The following GPC5 variants were observed in gnomAD, a reference collection of about 807,000 sequenced individuals.
GPC5 encodes glypican 5, also known as glypican-5.
In GPC5, 47 loss-of-function variants were observed where a neutral mutation model predicts 53.9. That is an observed-to-expected ratio of 0.87 (90% CI 0.69 to 1.11). GPC5 has a LOEUF of 1.11. Among genes scored for constraint, GPC5 ranks in the 50% most tolerant of loss-of-function variants. GPC5 has a pLI of 0.00. For synonymous variants in GPC5, 286 were observed against 263.3 expected, an observed-to-expected ratio of 1.09 and a Z score of -0.84; for missense variants, 748 against 713.1, an observed-to-expected ratio of 1.05 and a Z score of -0.56.
At position 92,379,584 on chromosome 13, in the gene GPC5, C is replaced by A. The variant is rs140815618; in HGVS notation, c.1561+234595C>A. 1.9e-3 allele frequency among the ~76,000 whole-genome samples: 286 copies of A among 151,056 alleles called. 2 individuals carry two copies. The highest frequency in any genetic ancestry group is 6.5e-3 in the African/African-American group (263 of 40,494). On this transcript the variant is annotated intron_variant, in intron 7 of 7. Coordinates refer to ENST00000377067, the MANE Select transcript of GPC5 (RefSeq NM_004466.6). ...TTGCATATTAGTTCCTCTCTGTGCC[C>A]CCTGCATATTAGTTCCTCTCTCTGT...
intron 7 of GPC5, among the ~76,000 whole-genome samples, chr13:92,371,005 T>C (rs2043646122): frequency 6.6e-6 from 1 of 151,822 alleles, no homozygotes; most frequent in Non-Finnish European, 1.5e-5. Flanking sequence ...AAAAATTAGC[T>C]GGGTGTGGTG....
intron 2 of GPC5, among the ~76,000 whole-genome samples, chr13:91,687,937 T>G (rs954519508): frequency 6.6e-6 from 1 of 152,110 alleles, no homozygotes; most frequent in African/African-American, 2.4e-5. Context: ...GTAGATGTGA[T>G]TAATTGTTCA....
chr13:91,857,218 T>C (rs1310284120), intron 5 of GPC5, among the ~76,000 whole-genome samples: 2 of 151,322 alleles, frequency 1.3e-5, no homozygotes, highest in African/African-American at 4.8e-5. Flanking sequence ...TATCTTTCTA[T>C]TATAAGTCCT....
chr13:91,895,300 G>A (rs1184048981), intron 5 of GPC5, among the ~76,000 whole-genome samples: 2 of 152,120 alleles, frequency 1.3e-5, no homozygotes, highest in African/African-American at 4.8e-5. Context: ...TTGGGGATAG[G>A]GCATTGCCTT....
intron 7 of GPC5, among the ~76,000 whole-genome samples, chr13:92,148,627 A>G (rs1381844100): frequency 3.9e-5 from 6 of 152,120 alleles, no homozygotes; most frequent in African/African-American, 7.2e-5. Context: ...GTTCATTTAC[A>G]TAGATATAGA....
intron 2 of GPC5, among the ~76,000 whole-genome samples, chr13:91,532,769 C>T (rs559661224): frequency 2.0e-5 from 3 of 151,830 alleles, no homozygotes; most frequent in South Asian, 2.1e-4. Flanking sequence ...GGGAGGCTGA[C>T]GTGGGAGGAT....
At chr13:92,681,111 A>G (rs536256183) in intron 7 of GPC5, among the ~76,000 whole-genome samples, 3 of 152,018 alleles carry the variant, frequency 2.0e-5, no homozygotes, top group East Asian at 1.9e-4. Flanking sequence ...TGTATCTAGT[A>G]GCATTTAGTT....
intron 4 of GPC5, among the ~76,000 whole-genome samples, chr13:91,731,559 A>C (rs956820843): frequency 4.0e-5 from 6 of 151,818 alleles, no homozygotes; most frequent in Admixed American, 1.3e-4. Context: ...ATAAAAGTGC[A>C]GAAGGTGTAG....
chr13:92,295,372 T>A (rs2043027325), intron 7 of GPC5, among the ~76,000 whole-genome samples: 1 of 152,210 alleles, frequency 6.6e-6, no homozygotes, highest in African/African-American at 2.4e-5. Context: ...TCCACTGTAG[T>A]CTGTGAGAGT....
intron 7 of GPC5, among the ~76,000 whole-genome samples, chr13:92,170,152 T>C (rs1447219728): frequency 6.6e-6 from 1 of 151,756 alleles, no homozygotes; most frequent in Non-Finnish European, 1.5e-5. Context: ...TCAAAATACA[T>C]GGAGAACTTT....
At chr13:91,953,669 C>T (rs1294221949) in intron 6 of GPC5, among the ~76,000 whole-genome samples, 1 of 152,176 alleles carries the variant, frequency 6.6e-6, no homozygotes, top group East Asian at 1.9e-4. Flanking sequence ...TCTAATAGTT[C>T]TGGAGGCTAG....
intron 7 of GPC5, among the ~76,000 whole-genome samples, chr13:92,525,318 C>T (rs1162439655): frequency 6.6e-6 from 1 of 151,916 alleles, no homozygotes; most frequent in Non-Finnish European, 1.5e-5. Flanking sequence ...ATAATGGATT[C>T]AGAGAAGAAA....
intron 7 of GPC5, among the ~76,000 whole-genome samples, chr13:92,623,699 C>T (rs2139118979): frequency 6.6e-6 from 1 of 151,502 alleles, no homozygotes; most frequent in Middle Eastern, 3.4e-3. Context: ...CTGAAATGAA[C>T]ATTATAAGAA....
rs144098060 is a variant in GPC5 at position 92,383,544 on chromosome 13, G to A, written c.1561+238555G>A. On this transcript the variant is annotated intron_variant, in intron 7 of 7. Transcript: ENST00000377067. ...TATGCTTATTTTTGGTTTAACACAC[G>A]GGTATATGGACTCTTCTTGCATTCT... Among the ~76,000 whole-genome samples, 31 of 152,232 alleles carry A rather than the reference G, an allele frequency of 2.0e-4. 1 individual carries two copies. In the East Asian group the frequency reaches 6.0e-3, roughly 29 times the overall value.
chr13:92,347,846 G>GTT (rs200653051), intron 7 of GPC5, among the ~76,000 whole-genome samples: 1,620 of 30,892 alleles, frequency 0.052, 158 homozygotes, highest in Middle Eastern at 0.14. Flanking sequence ...GAAATAGGCT[G>GTT]TTTTATACAT....
chr13:92,163,294 C>T (rs2042003871), intron 7 of GPC5, among the ~76,000 whole-genome samples: 1 of 151,896 alleles, frequency 6.6e-6, no homozygotes, highest in Admixed American at 6.6e-5. Context: ...AACCCCATCT[C>T]TAGTAAAAAT....
chr13:91,774,882 C>T (rs2037685231), intron 5 of GPC5, among the ~76,000 whole-genome samples: 1 of 152,166 alleles, frequency 6.6e-6, no homozygotes, highest in Admixed American at 6.5e-5. Flanking sequence ...TCTTGCCTCC[C>T]TCACTCCTCT....
At chr13:92,198,017 G>A (rs2042269646) in intron 7 of GPC5, among the ~76,000 whole-genome samples, 1 of 151,996 alleles carries the variant, frequency 6.6e-6, no homozygotes, top group African/African-American at 2.4e-5. Context: ...TCCTATTCCT[G>A]GAATTCATGT....
chr13:92,320,909 A>T (rs1032016328), intron 7 of GPC5, among the ~76,000 whole-genome samples: 3 of 152,158 alleles, frequency 2.0e-5, no homozygotes, highest in Non-Finnish European at 2.9e-5. Flanking sequence ...ATAAACCAAC[A>T]TTCTTCTTGA....
Sources: gnomAD v4.1 joint callset for allele counts (sites outside exome capture counted in the v4.1 genomes callset) on GRCh38, gnomAD v4.1.1 for gene constraint, MANE v1.5 for transcripts, NCBI Gene and HGNC (gene_info 2026-07-23, HGNC 2026-07-21) for gene names.